PCDH15: variants seen among roughly 807,000 people sequenced by gnomAD.
PCDH15 encodes the protein protocadherin-15.
PCDH15 carries 129 observed loss-of-function variants against 178.5 expected under a neutral mutation model. That is an observed-to-expected ratio of 0.72 (90% CI 0.63 to 0.84). The LOEUF (loss-of-function observed/expected upper bound fraction) is 0.84. Among genes scored for constraint, PCDH15 ranks in the 40% least tolerant of loss-of-function variants. The probability of loss-of-function intolerance (pLI) is 0.00; values close to 1 mark genes in which losing one functional copy is unlikely to be tolerated. For synonymous variants in PCDH15, 800 were observed against 732.0 expected (o/e 1.09, Z -1.50); for missense variants, 2,230 against 2,099.9 (o/e 1.06, Z -1.21).
chr10:54,698,015 T>G (rs2095259284), intron 1 of PCDH15, among the ~76,000 whole-genome samples: 1 of 151,866 alleles, frequency 6.6e-6, no homozygotes, highest in Non-Finnish European at 1.5e-5. Context: ...TTTAATATAG[T>G]ATGGGTGGTA....
At chr10:54,092,058 C>A (rs540216587) in intron 15 of PCDH15, among the ~76,000 whole-genome samples, 1 of 152,130 alleles carries the variant, frequency 6.6e-6, no homozygotes, top group East Asian at 1.9e-4. Flanking sequence ...TCCATCTTGA[C>A]GTACCTCAAA....
chr10:54,724,475 C>A (rs1219949271), intron 1 of PCDH15, among the ~76,000 whole-genome samples: 1 of 151,206 alleles, frequency 6.6e-6, no homozygotes, highest in Non-Finnish European at 1.5e-5. Context: ...AGTCCCTAAC[C>A]AATATACAAT....
chr10:54,178,310 G>T (rs1401436241), intron 13 of PCDH15, among the ~76,000 whole-genome samples: 2 of 152,082 alleles, frequency 1.3e-5, no homozygotes, highest in African/African-American at 4.8e-5. Flanking sequence ...GAAATATAGA[G>T]ATAGATATAG....
intron 28 of PCDH15, among the ~76,000 whole-genome samples, chr10:53,849,398 G>A (rs181216583): frequency 6.6e-6 from 1 of 152,090 alleles, no homozygotes; most frequent in East Asian, 1.9e-4. Context: ...ATTCAGAAAT[G>A]TGTTAATGAA....
intron 1 of PCDH15, among the ~76,000 whole-genome samples, chr10:54,690,162 G>T (rs756738238): frequency 2.0e-5 from 3 of 152,062 alleles, no homozygotes; most frequent in South Asian, 4.1e-4. Flanking sequence ...ATAACACAAC[G>T]CATTACTCAT....
chr10:55,158,160 T>TCA (rs959736119), intron 2 of PCDH15, among the ~76,000 whole-genome samples: 2 of 150,256 alleles, frequency 1.3e-5, no homozygotes, highest in African/African-American at 4.9e-5. Context: ...TGTTTTATAC[T>TCA]CACACACACA....
At chr10:54,706,241 A>G (rs1017449302) in intron 1 of PCDH15, among the ~76,000 whole-genome samples, 41 of 152,198 alleles carry the variant, frequency 2.7e-4, no homozygotes, top group African/African-American at 9.9e-4. Context: ...ATTATCTTTA[A>G]TATAGAAAAC....
chr10:54,068,211 A>G (rs1590217687), intron 17 of PCDH15, among the ~76,000 whole-genome samples: 1 of 152,138 alleles, frequency 6.6e-6, no homozygotes, highest in African/African-American at 2.4e-5. Flanking sequence ...CCAAGCCTCT[A>G]TAAATTTTTT....
At chr10:55,176,408 T>C (rs1231053599) in intron 1 of PCDH15, among the ~76,000 whole-genome samples, 2 of 152,110 alleles carry the variant, frequency 1.3e-5, no homozygotes, top group African/African-American at 4.8e-5. Flanking sequence ...AGACTGATAT[T>C]AACTCAAAAG....
intron 3 of PCDH15, among the ~76,000 whole-genome samples, chr10:54,401,651 T>C (rs562081894): frequency 5.8e-4 from 88 of 152,000 alleles, no homozygotes; most frequent in South Asian, 4.1e-3. Context: ...AGGTATAATC[T>C]ATATTAATGG....
At chr10:55,257,503 A>G (rs1842030065) in intron 1 of PCDH15, among the ~76,000 whole-genome samples, 1 of 152,166 alleles carries the variant, frequency 6.6e-6, no homozygotes, top group African/African-American at 2.4e-5. Context: ...GCTAACTAGA[A>G]TAACCAATGC....
intron 1 of PCDH15, among the ~76,000 whole-genome samples, chr10:55,186,225 G>A (rs1839796136): frequency 6.6e-6 from 1 of 151,152 alleles, no homozygotes; most frequent in African/African-American, 2.4e-5. Context: ...ATGGATTAAA[G>A]TACATAAAAA....
intron 17 of PCDH15, among the ~76,000 whole-genome samples, chr10:54,071,579 G>T (rs16937881): frequency 0.031 from 4,778 of 152,132 alleles, 214 homozygotes; most frequent in East Asian, 0.14. Context: ...TCATAGCACA[G>T]CCATTTGTTT....
At chr10:54,224,683 T>A (rs1265270580) in intron 9 of PCDH15, among the ~76,000 whole-genome samples, 1 of 152,158 alleles carries the variant, frequency 6.6e-6, no homozygotes, top group Non-Finnish European at 1.5e-5. Context: ...CATTTGTTTT[T>A]GTATCAAGTT....
intron 37 of PCDH15, chr10:53,809,567 A>C (rs1311187004): frequency 2.2e-5 from 36 of 1,601,526 alleles, no homozygotes; most frequent in Non-Finnish European, 3.1e-5. Context: ...TGAAAATGCA[A>C]TTGAAGTGTC....
chr10:55,352,232 A>C (rs1247509402), intron 2 of PCDH15, among the ~76,000 whole-genome samples: 2 of 152,140 alleles, frequency 1.3e-5, no homozygotes, highest in Non-Finnish European at 2.9e-5. Flanking sequence ...TTTTTTGCTA[A>C]TGGCTTATTA....
chr10:54,173,942 A>C (rs1299094042), intron 13 of PCDH15, among the ~76,000 whole-genome samples: 2 of 152,182 alleles, frequency 1.3e-5, no homozygotes, highest in Admixed American at 6.5e-5. Context: ...AAAAGACGGA[A>C]AGCATATGAA....
chr10:54,369,573 C>T (rs1022390946), intron 4 of PCDH15, among the ~76,000 whole-genome samples: 2 of 151,688 alleles, frequency 1.3e-5, no homozygotes, highest in Non-Finnish European at 2.9e-5. Flanking sequence ...GAAGTTTGCC[C>T]CTCCAAAGAT....
intron 2 of PCDH15, among the ~76,000 whole-genome samples, chr10:55,013,755 G>A (rs1840104409): frequency 6.6e-6 from 1 of 152,032 alleles, no homozygotes; most frequent in Non-Finnish European, 1.5e-5. Flanking sequence ...CAAGACATTT[G>A]CTTAACCTGT....
Sources: gnomAD v4.1 joint callset for allele counts (sites outside exome capture counted in the v4.1 genomes callset) on GRCh38, gnomAD v4.1.1 for gene constraint, MANE v1.5 for transcripts, NCBI Gene and HGNC (gene_info 2026-07-23, HGNC 2026-07-21) for gene names.